Variants in EPS8 observed in about 807,000 individuals in gnomAD.
EPS8 encodes EGFR pathway substrate 8, signaling adaptor, also known as epidermal growth factor receptor kinase substrate 8.
In EPS8, 42 loss-of-function variants were observed where a neutral mutation model predicts 103.8. That is an observed-to-expected ratio of 0.40 (90% CI 0.32 to 0.52). EPS8 has a LOEUF of 0.52. Among genes scored for constraint, EPS8 ranks in the 20% least tolerant of loss-of-function variants. The pLI is 0.40. For synonymous variants in EPS8, 344 were observed against 344.6 expected (o/e 1.00, Z 0.02); for missense variants, 969 against 1,005.1 (o/e 0.96, Z 0.49).
intron 1 of EPS8, among the ~76,000 whole-genome samples, chr12:15,692,725 T>C (rs994468495): frequency 4.6e-5 from 7 of 152,006 alleles, no homozygotes; most frequent in Non-Finnish European, 8.8e-5. Flanking sequence ...TTCTCTTTTG[T>C]TTTTCATTTT....
chr12:15,632,241 T>C (rs1945059554), intron 17 of EPS8, among the ~76,000 whole-genome samples: 1 of 152,176 alleles, frequency 6.6e-6, no homozygotes, highest in African/African-American at 2.4e-5. Flanking sequence ...GGGTGGATGG[T>C]TGTGAGGGTA....
chr12:15,758,201 C>T (rs1238301095), intron 1 of EPS8, among the ~76,000 whole-genome samples: 3 of 152,164 alleles, frequency 2.0e-5, no homozygotes, highest in African/African-American at 7.2e-5. Flanking sequence ...AAAGACCCCA[C>T]CTCTCAGCTG....
intron 1 of EPS8, among the ~76,000 whole-genome samples, chr12:15,737,927 T>G (rs1308464180): frequency 1.3e-5 from 2 of 152,130 alleles, no homozygotes; most frequent in African/African-American, 4.8e-5. Context: ...ATGAAAAACT[T>G]CCCTAAGACT....
At chr12:15,694,479 G>A (rs1191472417) in intron 1 of EPS8, among the ~76,000 whole-genome samples, 1 of 152,142 alleles carries the variant, frequency 6.6e-6, no homozygotes, top group African/African-American at 2.4e-5. Context: ...TGCTTTAATT[G>A]CTTTTCTAGA....
chr12:15,655,273 G>C (rs4763428), intron 12 of EPS8, among the ~76,000 whole-genome samples: 151,184 of 152,300 alleles, frequency 0.99, 75,050 homozygotes, highest in East Asian at 1. Context: ...CCACTCCCCA[G>C]CCTGCGTCCT....
At chr12:15,650,429 A>G (rs1198474284) in intron 14 of EPS8, among the ~76,000 whole-genome samples, 1 of 152,196 alleles carries the variant, frequency 6.6e-6, no homozygotes, top group Non-Finnish European at 1.5e-5. Flanking sequence ...GGTTCAGGGA[A>G]CTGTCTTGAG....
In EPS8 at chr12:15,759,670, G is replaced by C. The variant is rs1422998537; in HGVS notation, c.-22+29491C>G. Among the ~76,000 whole-genome samples, 1 of 151,928 alleles carries C rather than the reference G, an allele frequency of 6.6e-6. No individual in the cohort carries two copies. Among genetic ancestry groups the C allele is most frequent in the Admixed American group, 6.6e-5 (1 of 15,260 alleles). ...GAAATCAATAACAAGAGAAATTTTGGAAAATATACTAGTACAAGGAAATTA... is the reference window on the plus strand; with the variant it reads ...GAAATCAATAACAAGAGAAATTTTGCAAAATATACTAGTACAAGGAAATTA... On this transcript the variant is annotated intron_variant, in intron 1 of 20. Coordinates refer to ENST00000281172, the MANE Select transcript of EPS8 (RefSeq NM_004447.6). The surrounding 1 kb of genome is among the most constrained non-coding windows in gnomAD (Gnocchi z 4.9).
In EPS8 at chr12:15,747,644, T is replaced by A. The variant is rs930037386; in HGVS notation, c.-22+41517A>T. On this transcript the variant is annotated intron_variant, in intron 1 of 20. Transcript: ENST00000281172. This position sits in a 1 kb window ranked among gnomAD's most constrained non-coding sequence, Gnocchi z 4.4. Reference sequence around the variant, plus strand: ...TCATTCAGCTTACAGAAAGAAGAAATGAATGATCCAGAGATATTATCCTAT... The same window carrying A: ...TCATTCAGCTTACAGAAAGAAGAAAAGAATGATCCAGAGATATTATCCTAT... Among the ~76,000 whole-genome samples, 3 of 152,100 alleles carry A rather than the reference T, an allele frequency of 2.0e-5. No homozygotes were observed. The highest frequency in any genetic ancestry group is 4.4e-5 in the Non-Finnish European group (3 of 68,014).
At chr12:15,634,644 G>T (rs939652778) in intron 17 of EPS8, 1 of 397,694 alleles carries the variant, frequency 2.5e-6, no homozygotes, top group African/African-American at 2.1e-5. Context: ...TGAAAACTAA[G>T]CACAGCTGGA....
chr12:15,777,280 C>A lies in EPS8; in HGVS notation c.-22+11881G>T, dbSNP rs185252405. 0.013 allele frequency among the ~76,000 whole-genome samples: 1,906 copies of A among 150,168 alleles called. 17 individuals carry two copies. The highest frequency in any genetic ancestry group is 0.019 in the Non-Finnish European group (1,255 of 67,544). Reference sequence around the variant, plus strand: ...ACTTACAAAGCAGAATGAAAAAAAACACACACACACACACAAAACAAAACA... The same window carrying A: ...ACTTACAAAGCAGAATGAAAAAAAAAACACACACACACACAAAACAAAACA... On this transcript the variant is annotated intron_variant, in intron 1 of 20. Coordinates refer to ENST00000281172, the MANE Select transcript of EPS8 (RefSeq NM_004447.6). This position sits in a 1 kb window ranked among gnomAD's most constrained non-coding sequence, Gnocchi z 4.7.
At chr12:15,739,881 GC>G (rs1946802946) in intron 1 of EPS8, among the ~76,000 whole-genome samples, 1 of 152,232 alleles carries the variant, frequency 6.6e-6, no homozygotes, top group Middle Eastern at 3.4e-3. Context: ...TTTCAAAGAA[GC>G]CTCTAAAGGT....
intron 1 of EPS8, among the ~76,000 whole-genome samples, chr12:15,720,774 A>G (rs1946586689): frequency 6.6e-6 from 1 of 152,034 alleles, no homozygotes; most frequent in South Asian, 2.1e-4. Context: ...ACTTTGCCCC[A>G]GCTGTGGACT....
Position 15,665,851 on chromosome 12 carries a change from C to CCA in EPS8, c.640_641insTG (p.Arg214MetfsTer49). ...CCCAGGGGGCGCAGGGGCAGGAGCTCTGGGTGGAGGCGGTATACTAGGGTC... is the reference window on the plus strand; with the variant it reads ...CCCAGGGGGCGCAGGGGCAGGAGCTCCATGGGTGGAGGCGGTATACTAGGGTC... On this transcript the variant is annotated frameshift_variant, in exon 8 of 21. Coordinates refer to ENST00000281172, the MANE Select transcript of EPS8 (RefSeq NM_004447.6). LOFTEE classifies it high-confidence loss of function. 6.2e-7 allele frequency: 1 copy of CCA among 1,613,978 alleles called. No homozygotes were observed. The highest frequency in any genetic ancestry group is 8.5e-7 in the Non-Finnish European group (1 of 1,179,952).
chr12:15,783,407 T>A (rs1016738317), intron 1 of EPS8, among the ~76,000 whole-genome samples: 99 of 152,060 alleles, frequency 6.5e-4, no homozygotes, highest in Non-Finnish European at 2.4e-4. Flanking sequence ...ATACAAAAAT[T>A]TCTGACTGTG....
At chr12:15,677,952 G>A (rs555039287) in intron 3 of EPS8, among the ~76,000 whole-genome samples, 13 of 152,172 alleles carry the variant, frequency 8.5e-5, no homozygotes, top group Non-Finnish European at 1.9e-4. Context: ...TAGCTTATGC[G>A]CTGTGAAACT....
Position 15,778,209 on chromosome 12 carries a change from C to G in EPS8, c.-22+10952G>C, listed in dbSNP as rs142594015. 9.9e-4 allele frequency among the ~76,000 whole-genome samples: 151 copies of G among 152,190 alleles called. No individual in the cohort carries two copies. The highest frequency in any genetic ancestry group is 3.5e-3 in the African/African-American group (145 of 41,526). ...CTTTAAGCAAATCTGAGAATTAATGCACACGAAAATCTTCAGAGGGTGATT... is the reference window on the plus strand; with the variant it reads ...CTTTAAGCAAATCTGAGAATTAATGGACACGAAAATCTTCAGAGGGTGATT... On this transcript the variant is annotated intron_variant, in intron 1 of 20. Transcript: ENST00000281172. This position sits in a 1 kb window ranked among gnomAD's most constrained non-coding sequence, Gnocchi z 4.5.
intron 17 of EPS8, among the ~76,000 whole-genome samples, chr12:15,637,320 C>T (rs1003167543): frequency 4.6e-5 from 7 of 152,366 alleles, no homozygotes; most frequent in Non-Finnish European, 7.3e-5. Flanking sequence ...TGTGCCCACC[C>T]GAAATGAGAA....
chr12:15,621,954 A>G (rs1944868166), intron 20 of EPS8, among the ~76,000 whole-genome samples: 1 of 152,076 alleles, frequency 6.6e-6, no homozygotes, highest in Non-Finnish European at 1.5e-5. Context: ...GATTAACTAG[A>G]TCCAAGGAAA....
Position 15,631,610 on chromosome 12 carries a change from G to T in EPS8, c.1876C>A (p.Pro626Thr), listed in dbSNP as rs142733590. ...RPADTPPAPS[P>T]PPTPAPVPVP... ...GGAACAGGAGCTGGTGTTGGAGGAG[G>T]TGATGGAGCAGGGGGAGTATCAGCT... Residue 626 changes from proline (P) to threonine (T), a missense_variant, in exon 18 of 21, where the codon CCT (proline) becomes ACT (threonine). Pro to Thr is a conservative substitution (Grantham distance 38, BLOSUM62 -1). Transcript: ENST00000281172. 4,805 of 1,614,042 alleles carry T rather than the reference G, an allele frequency of 3.0e-3. 17 individuals are homozygous for T. Among genetic ancestry groups the T allele is most frequent in the Non-Finnish European group, 3.8e-3 (4,512 of 1,179,970 alleles).
Sources: allele counts gnomAD v4.1 joint callset (sites outside exome capture counted in the v4.1 genomes callset), GRCh38; gene constraint gnomAD v4.1.1; non-coding constraint Gnocchi (gnomAD v3.1); transcripts MANE v1.5; gene names NCBI Gene and HGNC (gene_info 2026-07-23, HGNC 2026-07-21).